The following MAP9 variants were observed in gnomAD, a reference collection of about 807,000 sequenced individuals.
MAP9 encodes the protein microtubule associated protein 9.
In MAP9, 80 loss-of-function variants were observed where a neutral mutation model predicts 75.2. That is an observed-to-expected ratio of 1.06 (90% CI 0.89 to 1.28). The LOEUF (loss-of-function observed/expected upper bound fraction) is 1.28, where lower values mean the gene tolerates loss of function less well. Among genes scored for constraint, MAP9 ranks in the 50% most tolerant of loss-of-function variants. The pLI is 0.00. For synonymous variants in MAP9, 235 were observed against 237.3 expected (o/e 0.99, Z 0.09); for missense variants, 753 against 719.9 (o/e 1.05, Z -0.53).
At chr4:155,350,241 T>G (rs1731455471) in intron 13 of MAP9, 2 of 454,180 alleles carry the variant, frequency 4.4e-6, no homozygotes, top group South Asian at 3.1e-5. Context: ...CTATTCTATC[T>G]GCAAACAAAT....
chr4:155,352,488 A>G, intron 13 of MAP9, 108 bp downstream of exon 13: 1 of 1,097,976 alleles, frequency 9.1e-7, no homozygotes, highest in Non-Finnish European at 1.3e-6. Context: ...AGCAGATTCC[A>G]GGTAGAAATG....
chr4:155,362,619 T>C (rs1457853834), intron 5 of MAP9: 1 of 152,398 alleles, frequency 6.6e-6, no homozygotes, highest in East Asian at 1.9e-4. Context: ...CCAAATATTT[T>C]AGATAGGAAA....
intron 2 of MAP9, 80 bp downstream of exon 2, chr4:155,375,696 G>A (rs1732807955): frequency 1.2e-6 from 1 of 849,270 alleles, no homozygotes; most frequent in Non-Finnish European, 1.9e-6. Flanking sequence ...CTTTATATAG[G>A]ACTGTTCTAG....
At chr4:155,359,210 T>TACACACACACACACACACAC (rs56261222) in intron 7 of MAP9, among the ~76,000 whole-genome samples, 5 of 145,580 alleles carry the variant, frequency 3.4e-5, no homozygotes, top group African/African-American at 1.3e-4. Context: ...AAAATGTGTA[T>TACACACACACACACACACAC]ACACACACAC....
At chr4:155,365,187 G>A (rs1397969293) in intron 5 of MAP9, among the ~76,000 whole-genome samples, 2 of 151,870 alleles carry the variant, frequency 1.3e-5, no homozygotes, top group South Asian at 2.1e-4. Flanking sequence ...GAATTAGTTT[G>A]AAAGAAAAAA....
chr4:155,356,202 G>A (rs1051612302), intron 8 of MAP9, among the ~76,000 whole-genome samples: 2 of 152,236 alleles, frequency 1.3e-5, no homozygotes, highest in South Asian at 4.1e-4. Context: ...AGGAGGCAGA[G>A]GTTGCAGTGA....
At chr4:155,357,646 G>A in intron 7 of MAP9, 127 bp from the exon 8 acceptor site, 3 of 628,362 alleles carry the variant, frequency 4.8e-6, no homozygotes, top group African/African-American at 1.9e-5. Context: ...GTAGAAATTG[G>A]GAGCAAATCA....
intron 5 of MAP9, 169 bp downstream of exon 5, chr4:155,368,417 C>T (rs1016608367): frequency 4.7e-6 from 3 of 638,868 alleles, no homozygotes; most frequent in Admixed American, 2.8e-5. Flanking sequence ...GTTTTAGACT[C>T]GGTGGAATAC....
rs747194456 is a variant in MAP9, at chr4:155,362,078, G to A, written c.772C>T (p.Pro258Ser). ...LKQILGDSFS[P>S]GSEGNASGKD... ...CCAGATGCGTTTCCCTCAGATCCTGGTGAAAAAGAATCTCCAAGAATTTGT... is the reference window on the plus strand; with the variant it reads ...CCAGATGCGTTTCCCTCAGATCCTGATGAAAAAGAATCTCCAAGAATTTGT... The change falls in exon 6 of 14, where the codon CCA (proline) becomes TCA (serine). Residue 258 changes from proline to serine, a missense_variant. By Grantham distance (74) the Pro-to-Ser change is moderately conservative. Transcript: ENST00000311277. 2 of 1,599,918 alleles carry A rather than the reference G, an allele frequency of 1.3e-6. No homozygotes were observed. Among genetic ancestry groups the A allele is most frequent in the East Asian group, 4.5e-5 (2 of 44,606 alleles).
intron 13 of MAP9, chr4:155,352,244 C>G (rs181406101): frequency 5.4e-6 from 1 of 184,588 alleles, no homozygotes; most frequent in African/African-American, 2.4e-5. Context: ...TGACCAAGTT[C>G]CACCACGTAG....
At chr4:155,354,777 T>C (rs1731690437) in intron 10 of MAP9, among the ~76,000 whole-genome samples, 1 of 152,156 alleles carries the variant, frequency 6.6e-6, no homozygotes, top group Non-Finnish European at 1.5e-5. Context: ...CTTGGTTAAG[T>C]TCTAAATGAA....
Position 155,352,641 on chromosome 4 carries a change from T to G in MAP9, c.1776A>C (p.Lys592Asn). The G allele has an allele frequency of 6.4e-7, 1 of 1,555,480 alleles. No individual in the cohort carries two copies. Among genetic ancestry groups the G allele is most frequent in the Non-Finnish European group, 8.8e-7 (1 of 1,140,214 alleles). Residue 592 changes from lysine (K) to asparagine (N), a missense_variant, in exon 13 of 14, where the codon AAA becomes AAC. Physicochemically the swap from Lys to Asn is moderately conservative, Grantham distance 94. Transcript: ENST00000311277. ...KRKEELKRAEKKDKDKQAINE... is the reference protein window; with the variant it reads ...KRKEELKRAENKDKDKQAINE... ...TAATAGCTTGTTTATCTTTATCTTT[T>G]TTCTCAGCTCTTTTCAGTTCTTCCT...
chr4:155,350,127 C>A lies in MAP9; in HGVS notation c.1822-2222G>T, dbSNP rs559840633. ...TATTAACTTTCCCCTAAAGCAATTACCCACCAAATGCTTACTGTTCAAACT... is the reference window on the plus strand; with the variant it reads ...TATTAACTTTCCCCTAAAGCAATTAACCACCAAATGCTTACTGTTCAAACT... On this transcript the variant is annotated intron_variant, in intron 13 of 13. Coordinates refer to ENST00000311277, the MANE Select transcript of MAP9 (RefSeq NM_001039580.2). 1.8e-4 allele frequency: 55 copies of A among 298,914 alleles called. 1 individual carries two copies. Among genetic ancestry groups the A allele is most frequent in the South Asian group, 1.4e-3 (48 of 33,882 alleles). The allele number at this position is 298,914 out of a possible 1,614,324, so 18.5% of individuals were successfully genotyped here.
At chr4:155,355,532 T>C (rs1396698248) in intron 9 of MAP9, among the ~76,000 whole-genome samples, 184 bp downstream of exon 9, 4 of 152,320 alleles carry the variant, frequency 2.6e-5, no homozygotes, top group East Asian at 3.9e-4. Context: ...TGGTCAGTTA[T>C]GCAAAGTGTG....
intron 4 of MAP9, among the ~76,000 whole-genome samples, chr4:155,372,102 C>T (rs2111284804): frequency 6.6e-6 from 1 of 152,236 alleles, no homozygotes; most frequent in Admixed American, 6.5e-5. Flanking sequence ...ATACAGAGGC[C>T]TTTCCCCCAG....
intron 5 of MAP9, among the ~76,000 whole-genome samples, chr4:155,366,668 G>A (rs1732346680): frequency 6.6e-6 from 1 of 152,176 alleles, no homozygotes; most frequent in South Asian, 2.1e-4. Context: ...TCAAAAGAAT[G>A]AGGGACTATC....
chr4:155,347,701 C>A lies in MAP9; in HGVS notation c.*82G>T. On this transcript the variant is annotated 3_prime_UTR_variant, in exon 14 of 14. Transcript: ENST00000311277. ...ATTTAATTAAAATATATTCCTCTAA[C>A]TATAAATAATTGAATGGTTTTAAAT... 7.8e-7 allele frequency: 1 copy of A among 1,278,650 alleles called. No individual in the cohort carries two copies. The allele number at this position is 1,278,650 out of a possible 1,614,324, so 79.2% of individuals were successfully genotyped here. A position where few individuals can be genotyped will look rare whatever the true frequency, so the allele number is the denominator to read the frequency against.
At chr4:155,371,181 A>G (rs1487335826) in intron 4 of MAP9, among the ~76,000 whole-genome samples, 7 of 152,222 alleles carry the variant, frequency 4.6e-5, no homozygotes, top group Admixed American at 2.0e-4. Flanking sequence ...ACAAAAGACA[A>G]GCAAGGACAG....
chr4:155,375,801 T>C lies in MAP9; in HGVS notation c.50A>G (p.Lys17Arg), dbSNP rs760357701. Residue 17 changes from lysine (K) to arginine (R), a missense_variant, in exon 2 of 14, where the codon AAA (lysine) becomes AGA (arginine). Lys to Arg is a conservative substitution (Grantham distance 26). Coordinates refer to ENST00000311277, the MANE Select transcript of MAP9 (RefSeq NM_001039580.2). Reference protein sequence around the residue: ...STTLAYTKSPKVTKRTTFQDE... With the variant: ...STTLAYTKSPRVTKRTTFQDE... Reference sequence around the variant, plus strand: ...CTGGAAAGTAGTTCTTTTGGTAACTTTTGGACTCTTTGTATATGCCAAAGT... The same window carrying C: ...CTGGAAAGTAGTTCTTTTGGTAACTCTTGGACTCTTTGTATATGCCAAAGT... The C allele has an allele frequency of 7.5e-6, 12 of 1,609,828 alleles. No individual in the cohort carries two copies. The highest frequency in any genetic ancestry group is 1.0e-5 in the Non-Finnish European group (12 of 1,177,078).
Sources: allele counts gnomAD v4.1 joint callset (sites outside exome capture counted in the v4.1 genomes callset), GRCh38; gene constraint gnomAD v4.1.1; transcripts MANE v1.5; gene names NCBI Gene and HGNC (gene_info 2026-07-23, HGNC 2026-07-21).